F13A1: variants seen among roughly 807,000 people sequenced by gnomAD.
F13A1 encodes FSF, A subunit.
A neutral mutation model predicts 80.1 loss-of-function variants in F13A1; 47 were observed. That is an observed-to-expected ratio of 0.59 (90% CI 0.46 to 0.75). The LOEUF is 0.75. Among genes scored for constraint, F13A1 ranks in the 30% least tolerant of loss-of-function variants. F13A1 has a pLI of 0.00. For missense variants in F13A1, 817 were observed against 930.4 expected (o/e 0.88, Z 1.59); for synonymous variants, 349 against 344.9 (o/e 1.01, Z -0.13).
At chr6:6,206,931 A>G (rs1761499315) in intron 8 of F13A1, among the ~76,000 whole-genome samples, 1 of 151,338 alleles carries the variant, frequency 6.6e-6, no homozygotes, top group Non-Finnish European at 1.5e-5. Context: ...AGTGGTTAAG[A>G]GTGGGCTCTG....
At chr6:6,220,149 GCAGT>G (rs944159582) in intron 8 of F13A1, among the ~76,000 whole-genome samples, 8 of 152,084 alleles carry the variant, frequency 5.3e-5, no homozygotes, top group African/African-American at 1.9e-4. Context: ...TCTCAGCCCC[GCAGT>G]CAGTCAGAGC....
At chr6:6,192,361 G>A (rs537373609) in intron 10 of F13A1, among the ~76,000 whole-genome samples, 1 of 152,218 alleles carries the variant, frequency 6.6e-6, no homozygotes, top group South Asian at 2.1e-4. Context: ...TGAGTTAGGA[G>A]GAGTTAGGAG....
At chr6:6,297,228 C>T (rs567225389) in intron 3 of F13A1, among the ~76,000 whole-genome samples, 7,967 of 151,252 alleles carry the variant, frequency 0.053, 550 homozygotes, top group African/African-American at 0.16. Context: ...TGTGTCTCTG[C>T]CCGGCTTTGG....
At chr6:6,255,544 A>T (rs1328308151) in intron 4 of F13A1, among the ~76,000 whole-genome samples, 2 of 152,066 alleles carry the variant, frequency 1.3e-5, no homozygotes, top group Non-Finnish European at 2.9e-5. Context: ...AAATCAATCA[A>T]TGTGTACTGA....
rs1418082431 is a variant in F13A1, at chr6:6,167,497, T to C, written c.1869A>G (p.Gln623=). The part of the protein sequence containing the change: ...INETRDVLAK[Q]KSTVLTIPEI... ...CAGGGATGGTTAGCACGGTGGACTT[T>C]TGCTTGGCCAGAACATCCCTGGTCT... Residue 623 remains glutamine, a synonymous_variant, in exon 13 of 15, where the codon CAA becomes CAG. Transcript: ENST00000264870. The C allele has an allele frequency of 1.2e-5, 19 of 1,614,066 alleles. No individual in the cohort carries two copies. Among genetic ancestry groups the C allele is most frequent in the Non-Finnish European group, 1.5e-5 (18 of 1,180,018 alleles).
At position 6,182,293 on chromosome 6, in the gene F13A1, T is replaced by C. The variant is rs1219780225; in HGVS notation, c.1306-152A>G. ...GATTCGTATCATAGGGCCAAACAGG[T>C]TTTGAAAATATTCTAAAGGCGAATC... On this transcript the variant is annotated intron_variant, in intron 10 of 14. Coordinates refer to ENST00000264870, the MANE Select transcript of F13A1 (RefSeq NM_000129.4). 4 of 785,924 alleles carry C rather than the reference T, an allele frequency of 5.1e-6. No individual in the cohort carries two copies. In the East Asian group the frequency reaches 1.1e-4, roughly 21 times the overall value. 48.7% of individuals were successfully genotyped at this position (785,924 alleles called of 1,614,324 possible). A position where few individuals can be genotyped will look rare whatever the true frequency, so the allele number is the denominator to read the frequency against.
At chr6:6,303,697 G>A (rs1447154472) in intron 3 of F13A1, among the ~76,000 whole-genome samples, 1 of 152,252 alleles carries the variant, frequency 6.6e-6, no homozygotes, top group African/African-American at 2.4e-5. Flanking sequence ...GACTAAAAAT[G>A]TATACAGAAA....
rs1010291014 is a variant in F13A1, at chr6:6,230,937, C to A, written c.799-6077G>T. ...ATCCCATGGGACAAAATAATCTGAA[C>A]AACAGCCTTCAGCCCTAGACCTTCC... On this transcript the variant is annotated intron_variant, in intron 6 of 14. Transcript: ENST00000264870. Among the ~76,000 whole-genome samples the A allele has an allele frequency of 2.0e-5, 3 of 152,168 alleles. No individual in the cohort carries two copies. In the East Asian group the frequency reaches 5.8e-4, roughly 29 times the overall value.
At chr6:6,200,285 G>C (rs1308028025) in intron 8 of F13A1, among the ~76,000 whole-genome samples, 3 of 152,118 alleles carry the variant, frequency 2.0e-5, no homozygotes, top group Non-Finnish European at 4.4e-5. Flanking sequence ...GTGACTTAGA[G>C]GCTGGCTACA....
chr6:6,158,633 G>A (rs1760519147), intron 13 of F13A1, among the ~76,000 whole-genome samples: 1 of 152,144 alleles, frequency 6.6e-6, no homozygotes, highest in Non-Finnish European at 1.5e-5. Flanking sequence ...GTGGGCAGGG[G>A]TGAATCTTGG....
rs928127700 is a variant in F13A1 at position 6,145,553 on chromosome 6, T to G, written c.*66A>C. 5.6e-6 allele frequency: 9 copies of G among 1,608,828 alleles called. No individual in the cohort carries two copies. Among genetic ancestry groups the G allele is most frequent in the Non-Finnish European group, 7.7e-6 (9 of 1,175,406 alleles). On this transcript the variant is annotated 3_prime_UTR_variant, in exon 15 of 15. Coordinates refer to ENST00000264870, the MANE Select transcript of F13A1 (RefSeq NM_000129.4). Reference sequence around the variant, plus strand: ...AGTCAAAGCAAGAGCTATTTTTGCGTTAGAATTTCCTTAGCCAAGACTACA... The same window carrying G: ...AGTCAAAGCAAGAGCTATTTTTGCGGTAGAATTTCCTTAGCCAAGACTACA...
chr6:6,176,126 CCTTGG>C (rs1760879606), intron 11 of F13A1, among the ~76,000 whole-genome samples: 1 of 152,078 alleles, frequency 6.6e-6, no homozygotes, highest in South Asian at 2.1e-4. Flanking sequence ...AAGGCAAATT[CCTTGG>C]CTTGTAAAAA....
At chr6:6,295,398 C>T (rs1051390339) in intron 3 of F13A1, among the ~76,000 whole-genome samples, 3 of 147,882 alleles carry the variant, frequency 2.0e-5, no homozygotes, top group African/African-American at 7.9e-5. Context: ...ACATCCTCTC[C>T]AGCACCTGTT....
intron 3 of F13A1, among the ~76,000 whole-genome samples, chr6:6,298,715 G>GTGTC (rs1403219235): frequency 1.3e-5 from 2 of 149,910 alleles, no homozygotes; most frequent in African/African-American, 2.5e-5. Flanking sequence ...TTGCCAGTCT[G>GTGTC]TGTCTTTTAA....
intron 2 of F13A1, among the ~76,000 whole-genome samples, chr6:6,314,767 C>A (rs180757677): frequency 6.6e-6 from 1 of 152,332 alleles, no homozygotes; most frequent in Non-Finnish European, 1.5e-5. Context: ...CAGCCTGGAG[C>A]AGCTCCTGAC....
intron 3 of F13A1, among the ~76,000 whole-genome samples, chr6:6,297,539 G>A (rs1387419707): frequency 2.7e-5 from 4 of 150,512 alleles, no homozygotes; most frequent in Non-Finnish European, 4.4e-5. Context: ...TTGCATAGAG[G>A]TGTTTGTAGT....
At chr6:6,264,469 C>T (rs1757817692) in intron 4 of F13A1, among the ~76,000 whole-genome samples, 1 of 152,042 alleles carries the variant, frequency 6.6e-6, no homozygotes, top group Admixed American at 6.5e-5. Context: ...CATACTCTTC[C>T]ATCTCATTCT....
chr6:6,266,743 C>A lies in F13A1; in HGVS notation c.386G>T (p.Gly129Val). The A allele has an allele frequency of 6.2e-7, 1 of 1,614,208 alleles. No individual in the cohort carries two copies. Residue 129 changes from glycine (G) to valine (V), a missense_variant, in exon 4 of 15, where the codon GGA becomes GTA. Coordinates refer to ENST00000264870, the MANE Select transcript of F13A1 (RefSeq NM_000129.4). The part of the protein sequence containing the change: ...PVPIVSELQS[G>V]KWGAKIVMRE... ...CATGACAATCTTGGCCCCCCACTTT[C>A]CACTTTGTAACTCTGAGACTATAGG... is the stretch of plus-strand genomic sequence containing the variant.
At chr6:6,269,152 A>G (rs1437211991) in intron 3 of F13A1, among the ~76,000 whole-genome samples, 2 of 152,186 alleles carry the variant, frequency 1.3e-5, no homozygotes, top group Non-Finnish European at 2.9e-5. Context: ...CTAAGGGGAA[A>G]GCAATTCAGC....
Sources: gnomAD v4.1 joint callset for allele counts (sites outside exome capture counted in the v4.1 genomes callset) on GRCh38, gnomAD v4.1.1 for gene constraint, MANE v1.5 for transcripts, NCBI Gene and HGNC (gene_info 2026-07-23, HGNC 2026-07-21) for gene names.